Variants in ZFPM2 observed in about 807,000 individuals in gnomAD.
ZFPM2 encodes the protein zinc finger protein ZFPM2.
ZFPM2 carries 20 observed loss-of-function variants against 98.6 expected under a neutral mutation model. The observed-to-expected ratio is 0.20, with a 90% CI of 0.14 to 0.29. ZFPM2 has a LOEUF of 0.29. Ranked by LOEUF, ZFPM2 falls within the 10% of genes least tolerant of loss-of-function variation. The pLI, the probability that ZFPM2 is intolerant of heterozygous loss-of-function variation, is 1.00. For synonymous variants in ZFPM2, 518 were observed against 502.7 expected (o/e 1.03, Z -0.41); for missense variants, 1,310 against 1,388.6 (o/e 0.94, Z 0.90).
intron 4 of ZFPM2, among the ~76,000 whole-genome samples, chr8:105,575,374 G>A (rs570065646): frequency 2.2e-4 from 33 of 152,222 alleles, no homozygotes; most frequent in African/African-American, 7.0e-4. Context: ...AGAAGGCTCC[G>A]AGGATGATGC....
At chr8:105,524,425 G>A (rs1814128331) in intron 3 of ZFPM2, among the ~76,000 whole-genome samples, 1 of 151,924 alleles carries the variant, frequency 6.6e-6, no homozygotes, top group African/African-American at 2.4e-5. Flanking sequence ...AATTTGTCAT[G>A]GCCCTGGCAA....
At chr8:105,583,659 T>C (rs2130748046) in intron 4 of ZFPM2, among the ~76,000 whole-genome samples, 1 of 152,254 alleles carries the variant, frequency 6.6e-6, no homozygotes, top group Non-Finnish European at 1.5e-5. Context: ...CAAAGGGGGC[T>C]AGAGGTGCCA....
intron 2 of ZFPM2, among the ~76,000 whole-genome samples, chr8:105,438,563 A>G (rs1812171240): frequency 6.6e-6 from 1 of 152,280 alleles, no homozygotes; most frequent in South Asian, 2.1e-4. Flanking sequence ...TTTCTTCCAA[A>G]AATATGTAAT....
chr8:105,788,977 G>T, intron 6 of ZFPM2, 53 bp downstream of exon 6: 1 of 1,432,650 alleles, frequency 7.0e-7, no homozygotes. Context: ...GAATTTATGG[G>T]AGAAAAAAAT....
chr8:105,635,429 G>T (rs1225892363), intron 5 of ZFPM2, among the ~76,000 whole-genome samples: 1 of 150,742 alleles, frequency 6.6e-6, no homozygotes, highest in East Asian at 1.9e-4. Flanking sequence ...TTTGAAAGTT[G>T]AAACACCAGA....
Position 105,657,909 on chromosome 8 carries a change from C to G in ZFPM2, c.532+23552C>G, listed in dbSNP as rs546586695. Among the ~76,000 whole-genome samples, 3 of 152,230 alleles carry G rather than the reference C, an allele frequency of 2.0e-5. No individual in the cohort carries two copies. In the East Asian group the frequency reaches 5.8e-4, roughly 29 times the overall value. On this transcript the variant is annotated intron_variant, in intron 5 of 7. Coordinates refer to ENST00000407775, the MANE Select transcript of ZFPM2 (RefSeq NM_012082.4). ...CCAAATTAATAGAAACAATTCAGCCCACAGTGGTTCAAATCTAAACAAAAA... is the reference window on the plus strand; with the variant it reads ...CCAAATTAATAGAAACAATTCAGCCGACAGTGGTTCAAATCTAAACAAAAA...
At chr8:105,497,882 A>G (rs1356219701) in intron 3 of ZFPM2, among the ~76,000 whole-genome samples, 1 of 152,048 alleles carries the variant, frequency 6.6e-6, no homozygotes, top group African/African-American at 2.4e-5. Flanking sequence ...GGTAAATTCA[A>G]TAAATAAAAT....
intron 3 of ZFPM2, among the ~76,000 whole-genome samples, chr8:105,449,349 G>T (rs1271443479): frequency 6.6e-6 from 1 of 151,872 alleles, no homozygotes; most frequent in Non-Finnish European, 1.5e-5. Flanking sequence ...GACATACACA[G>T]GTATAACATT....
At chr8:105,684,962 C>T (rs998383293) in intron 5 of ZFPM2, 1 of 152,054 alleles carries the variant, frequency 6.6e-6, no homozygotes, top group African/African-American at 2.4e-5. Flanking sequence ...TTAGTAATAA[C>T]TTTATCATTC....
chr8:105,447,073 A>G (rs1812388818), intron 3 of ZFPM2, among the ~76,000 whole-genome samples: 1 of 152,102 alleles, frequency 6.6e-6, no homozygotes, highest in Non-Finnish European at 1.5e-5. Context: ...GACAGTTTCC[A>G]AATATATTGG....
intron 6 of ZFPM2, 126 bp from the exon 7 acceptor site, chr8:105,798,598 C>T (rs1442218181): frequency 2.2e-5 from 16 of 720,362 alleles, no homozygotes; most frequent in Non-Finnish European, 3.0e-5. Context: ...AAGACTGTTA[C>T]TCATCTGATT....
chr8:105,518,513 A>G (rs1381939974), intron 3 of ZFPM2, among the ~76,000 whole-genome samples: 1 of 152,174 alleles, frequency 6.6e-6, no homozygotes, highest in African/African-American at 2.4e-5. Flanking sequence ...AAAAATTGAG[A>G]ATGTGTGTGT....
intron 5 of ZFPM2, among the ~76,000 whole-genome samples, chr8:105,754,349 T>A (rs1314743134): frequency 6.6e-6 from 1 of 152,162 alleles, no homozygotes; most frequent in Non-Finnish European, 1.5e-5. Flanking sequence ...TTACAAAGAA[T>A]TTTTTATGTC....
chr8:105,441,516 C>T (rs991523487), intron 2 of ZFPM2, among the ~76,000 whole-genome samples: 29 of 104,468 alleles, frequency 2.8e-4, no homozygotes, highest in East Asian at 3.6e-4. Flanking sequence ...AGCCCAGGGG[C>T]GCCCCGGTGT....
At chr8:105,720,971 A>C (rs553691716) in intron 5 of ZFPM2, among the ~76,000 whole-genome samples, 1 of 151,938 alleles carries the variant, frequency 6.6e-6, no homozygotes, top group Non-Finnish European at 1.5e-5. Context: ...TTTGTGGAAG[A>C]GAAAGTCGAA....
intron 3 of ZFPM2, among the ~76,000 whole-genome samples, chr8:105,494,225 A>ATATATATATATG: frequency 7.8e-6 from 1 of 128,882 alleles, no homozygotes; most frequent in Non-Finnish European, 1.6e-5. Context: ...ATATATATAT[A>ATATATATATATG]TAATCTCAAA....
intron 4 of ZFPM2, among the ~76,000 whole-genome samples, chr8:105,581,866 G>C (rs1268157684): frequency 6.6e-6 from 1 of 152,130 alleles, no homozygotes; most frequent in Non-Finnish European, 1.5e-5. Flanking sequence ...TAATTACTCA[G>C]AATACTATCC....
At chr8:105,646,143 T>A (rs1327099986) in intron 5 of ZFPM2, among the ~76,000 whole-genome samples, 2 of 147,380 alleles carry the variant, frequency 1.4e-5, no homozygotes, top group Admixed American at 1.3e-4. Context: ...AAAAAAAAAA[T>A]AATAATGGTG....
At chr8:105,706,843 G>C (rs1224106444) in intron 5 of ZFPM2, among the ~76,000 whole-genome samples, 2 of 152,136 alleles carry the variant, frequency 1.3e-5, no homozygotes, top group African/African-American at 2.4e-5. Context: ...GCCTCCCAAA[G>C]TGCTGGGATT....
Sources: gnomAD v4.1 joint callset for allele counts (sites outside exome capture counted in the v4.1 genomes callset) on GRCh38, gnomAD v4.1.1 for gene constraint, MANE v1.5 for transcripts, NCBI Gene and HGNC (gene_info 2026-07-23, HGNC 2026-07-21) for gene names.